Variants in TYR observed in about 807,000 individuals in gnomAD.
The protein encoded by TYR is tyrosinase, also known as LB24-AB.
Under a neutral mutation model 51.5 loss-of-function variants are expected in TYR, and 58 were observed. The observed-to-expected ratio is 1.13, with a 90% CI of 0.91 to 1.40. The LOEUF (loss-of-function observed/expected upper bound fraction) is 1.40, where lower values mean the gene tolerates loss of function less well. Ranked by LOEUF, TYR falls within the 40% of genes most tolerant of loss-of-function variation. The probability of loss-of-function intolerance (pLI) is 0.00; values close to 1 mark genes in which losing one functional copy is unlikely to be tolerated. For synonymous variants in TYR, 263 were observed against 235.2 expected (o/e 1.12, Z -1.08); for missense variants, 732 against 647.4 (o/e 1.13, Z -1.42).
At chr11:89,216,820 C>A (rs1943838737) in intron 2 of TYR, among the ~76,000 whole-genome samples, 1 of 151,858 alleles carries the variant, frequency 6.6e-6, no homozygotes, top group African/African-American at 2.4e-5. Context: ...CTGTTTTCAC[C>A]CTAATCGAAA....
intron 1 of TYR, among the ~76,000 whole-genome samples, chr11:89,188,398 A>G (rs1591140787): frequency 6.6e-6 from 1 of 152,034 alleles, no homozygotes; most frequent in Non-Finnish European, 1.5e-5. Context: ...TCATTCTATG[A>G]GAGTTCTTTT....
At position 89,178,133 on chromosome 11, in the gene TYR, G is replaced by A. The variant is rs746279486; in HGVS notation, c.180G>A (p.Leu60=). 35 of 1,614,194 alleles carry A rather than the reference G, an allele frequency of 2.2e-5. No homozygotes were observed. The African/African-American group carries it at 2.4e-4, about 11-fold the overall frequency. The change falls in exon 1 of 5, where the codon CTG becomes CTA. Residue 60 remains leucine, a synonymous_variant. Coordinates refer to ENST00000263321, the MANE Select transcript of TYR (RefSeq NM_000372.5). ...SGRGSCQNIL[L]SNAPLGPQFP... The stretch of plus-strand genomic sequence containing the variant: ...GAGGTTCCTGTCAGAATATCCTTCT[G>A]TCCAATGCACCACTTGGGCCTCAAT...
chr11:89,237,695 A>G (rs1944136170), intron 3 of TYR, among the ~76,000 whole-genome samples: 1 of 152,148 alleles, frequency 6.6e-6, no homozygotes, highest in Non-Finnish European at 1.5e-5. Context: ...TTGCATAAAT[A>G]TTTTAGAATT....
intron 3 of TYR, among the ~76,000 whole-genome samples, chr11:89,255,681 A>G (rs1372169882): frequency 6.6e-6 from 1 of 151,774 alleles, no homozygotes; most frequent in African/African-American, 2.4e-5. Context: ...AAATTGTCAA[A>G]TTAGTGGTAT....
At chr11:89,212,633 G>A (rs552795818) in intron 2 of TYR, among the ~76,000 whole-genome samples, 8 of 151,924 alleles carry the variant, frequency 5.3e-5, no homozygotes, top group African/African-American at 9.6e-5. Flanking sequence ...AGATACAACC[G>A]AAAAAGGAGA....
chr11:89,289,538 C>T (rs933125296), intron 4 of TYR, among the ~76,000 whole-genome samples: 3 of 151,810 alleles, frequency 2.0e-5, no homozygotes, highest in East Asian at 3.9e-4. Flanking sequence ...ACATTACTCT[C>T]GAAATGATTT....
chr11:89,263,321 A>T (rs369815967), intron 3 of TYR, among the ~76,000 whole-genome samples: 1 of 152,108 alleles, frequency 6.6e-6, no homozygotes, highest in South Asian at 2.1e-4. Context: ...ACAAACATGC[A>T]TCAAGCTAGG....
chr11:89,215,990 TTA>T (rs1414220732), intron 2 of TYR, among the ~76,000 whole-genome samples: 1 of 152,212 alleles, frequency 6.6e-6, no homozygotes, highest in African/African-American at 2.4e-5. Flanking sequence ...TTTTTAGGAT[TTA>T]TACAACATAC....
chr11:89,279,984 T>A (rs1188364033), intron 3 of TYR, among the ~76,000 whole-genome samples: 3 of 151,730 alleles, frequency 2.0e-5, no homozygotes, highest in Non-Finnish European at 3.0e-5. Context: ...ATAGATTATA[T>A]CTGTACAGAC....
intron 3 of TYR, among the ~76,000 whole-genome samples, chr11:89,281,193 C>T (rs1191898811): frequency 2.0e-5 from 3 of 151,644 alleles, no homozygotes; most frequent in Non-Finnish European, 4.4e-5. Context: ...ACTCTGACCC[C>T]TGTGGCTTAT....
At chr11:89,275,789 T>C (rs1284571303) in intron 3 of TYR, among the ~76,000 whole-genome samples, 2 of 151,808 alleles carry the variant, frequency 1.3e-5, no homozygotes, top group Non-Finnish European at 2.9e-5. Flanking sequence ...TTGACTTATT[T>C]GAACATGGTT....
chr11:89,234,658 C>G (rs781649969), intron 3 of TYR, among the ~76,000 whole-genome samples: 2 of 118,132 alleles, frequency 1.7e-5, no homozygotes, highest in Non-Finnish European at 3.4e-5. Context: ...AATAGGGAGG[C>G]CCAAGGAGAG....
intron 3 of TYR, among the ~76,000 whole-genome samples, chr11:89,261,746 C>T (rs1177811685): frequency 6.6e-6 from 1 of 151,998 alleles, no homozygotes. Context: ...CAACAGAATG[C>T]ACATTTTTTT....
chr11:89,261,731 C>T (rs1177361200), intron 3 of TYR, among the ~76,000 whole-genome samples: 1 of 152,020 alleles, frequency 6.6e-6, no homozygotes, highest in Non-Finnish European at 1.5e-5. Context: ...GAACACTCTA[C>T]CCAACAACAG....
chr11:89,232,899 T>TTGATGGCTGCTGAATGATGAGGG (rs1242825349), intron 3 of TYR, among the ~76,000 whole-genome samples: 4 of 142,960 alleles, frequency 2.8e-5, no homozygotes, highest in Non-Finnish European at 6.0e-5. Context: ...TGCCTTGATT[T>TTGATGGCTGCTGAATGATGAGGG]TGATGGCTGC....
chr11:89,238,173 T>C (rs2135289162), intron 3 of TYR, among the ~76,000 whole-genome samples: 1 of 152,252 alleles, frequency 6.6e-6, no homozygotes, highest in Non-Finnish European at 1.5e-5. Flanking sequence ...TATTTCAGTT[T>C]ATTTGTATCT....
intron 4 of TYR, among the ~76,000 whole-genome samples, chr11:89,289,607 C>T (rs1944833915): frequency 6.6e-6 from 1 of 151,922 alleles, no homozygotes; most frequent in South Asian, 2.1e-4. Flanking sequence ...CCCCCAACTC[C>T]CCGCCTACAG....
At chr11:89,242,090 C>A (rs1167436713) in intron 3 of TYR, among the ~76,000 whole-genome samples, 1 of 152,044 alleles carries the variant, frequency 6.6e-6, no homozygotes, top group Non-Finnish European at 1.5e-5. Flanking sequence ...AGGTTGGATA[C>A]ACTTCTGAAG....
Position 89,265,345 on chromosome 11 carries a change from T to C in TYR, c.1185-19428T>C, listed in dbSNP as rs1013384581. Among the ~76,000 whole-genome samples the C allele has an allele frequency of 2.0e-5, 3 of 152,020 alleles. 1 individual carries two copies. Among genetic ancestry groups the C allele is most frequent in the African/African-American group, 7.2e-5 (3 of 41,438 alleles). ...ACGGGCCCAAAGAGGAGCTTGCTGA[T>C]AAGAGTTGTCACAACCACTCCACCT... On this transcript the variant is annotated intron_variant, in intron 3 of 4. Transcript: ENST00000263321.
Sources: gnomAD v4.1 joint callset for allele counts (sites outside exome capture counted in the v4.1 genomes callset) on GRCh38, gnomAD v4.1.1 for gene constraint, MANE v1.5 for transcripts, NCBI Gene and HGNC (gene_info 2026-07-23, HGNC 2026-07-21) for gene names.